The following BCAS3 variants were observed in gnomAD, a reference collection of about 807,000 sequenced individuals.
BCAS3 encodes BCAS4/BCAS3 fusion.
A neutral mutation model predicts 116.1 loss-of-function variants in BCAS3; 53 were observed. That is an observed-to-expected ratio of 0.46 (90% confidence interval 0.37 to 0.57). The LOEUF is 0.57. Ranked by LOEUF, BCAS3 falls within the 20% of genes least tolerant of loss-of-function variation. BCAS3 has a pLI of 0.00. For missense variants in BCAS3, 917 were observed against 1,165.4 expected, an observed-to-expected ratio of 0.79 and a Z score of 3.10; for synonymous variants, 391 against 408.2, an observed-to-expected ratio of 0.96 and a Z score of 0.51.
chr17:60,982,571 ACTTT>A (rs1156858488), intron 14 of BCAS3, among the ~76,000 whole-genome samples: 5 of 152,160 alleles, frequency 3.3e-5, no homozygotes, highest in African/African-American at 1.2e-4. Flanking sequence ...TTAAGGGAAG[ACTTT>A]CTTTAGTTTT....
chr17:60,923,389 G>GT (rs1246218007), intron 12 of BCAS3, among the ~76,000 whole-genome samples: 2 of 152,024 alleles, frequency 1.3e-5, no homozygotes, highest in African/African-American at 2.4e-5. Flanking sequence ...TAAGTACATT[G>GT]TTTTTTTGGG....
In BCAS3 at chr17:60,961,268, C is replaced by T. The variant is rs996655425; in HGVS notation, c.1221+13916C>T. On this transcript the variant is annotated intron_variant, in intron 14 of 23. Coordinates refer to ENST00000407086, the MANE Select transcript of BCAS3 (RefSeq NM_017679.5). This position sits in a 1 kb window ranked among gnomAD's most constrained non-coding sequence, Gnocchi z 4.8. ...AGGAACTGGATTAAACCTCTGTATCCGTTAAGGTTCTACCAGAGAAACAGA... is the reference window on the plus strand; with the variant it reads ...AGGAACTGGATTAAACCTCTGTATCTGTTAAGGTTCTACCAGAGAAACAGA... 4.6e-5 allele frequency among the ~76,000 whole-genome samples: 7 copies of T among 152,032 alleles called. No individual in the cohort carries two copies. The highest frequency in any genetic ancestry group is 2.1e-4 in the South Asian group (1 of 4,820).
chr17:60,853,203 G>T (rs1343206687), intron 7 of BCAS3, among the ~76,000 whole-genome samples: 1 of 152,176 alleles, frequency 6.6e-6, no homozygotes, highest in Non-Finnish European at 1.5e-5. Context: ...TGTACTGTAT[G>T]ATTCTAACTA....
At position 61,141,338 on chromosome 17, in the gene BCAS3, G is replaced by A. The variant is rs566372412; in HGVS notation, c.2425+56774G>A. Among the ~76,000 whole-genome samples, 12 of 152,112 alleles carry A rather than the reference G, an allele frequency of 7.9e-5. No homozygotes were observed. The highest frequency in any genetic ancestry group is 2.2e-4 in the African/African-American group (9 of 41,488). On this transcript the variant is annotated intron_variant, in intron 22 of 23. Transcript: ENST00000407086. The surrounding 1 kb of genome is among the most constrained non-coding windows in gnomAD (Gnocchi z 4.3). ...GTTGGGAGGCCAAAGTGGGAGGACC[G>A]CTTGAGACCAGGAATTTGAGACCAG...
At chr17:61,093,531 G>T (rs918355980) in intron 22 of BCAS3, among the ~76,000 whole-genome samples, 32 of 152,276 alleles carry the variant, frequency 2.1e-4, no homozygotes, top group African/African-American at 7.5e-4. Context: ...AGGCTGCAGT[G>T]AGCTGTGATC....
intron 8 of BCAS3, among the ~76,000 whole-genome samples, chr17:60,871,001 G>GTCATTATTTGTCA (rs1269787173): frequency 6.6e-6 from 1 of 152,058 alleles, no homozygotes; most frequent in Non-Finnish European, 1.5e-5. Flanking sequence ...TCATTTATTA[G>GTCATTATTTGTCA]TTTTGATAAT....
intron 7 of BCAS3, among the ~76,000 whole-genome samples, chr17:60,855,669 T>C (rs2053615470): frequency 6.6e-6 from 1 of 151,832 alleles, no homozygotes; most frequent in Non-Finnish European, 1.5e-5. Flanking sequence ...TGGTATCTCA[T>C]AGTGATTTTG....
chr17:60,706,213 C>T (rs551241161), intron 4 of BCAS3, among the ~76,000 whole-genome samples: 4 of 152,204 alleles, frequency 2.6e-5, no homozygotes, highest in Admixed American at 6.6e-5. Flanking sequence ...CAGGCACCCA[C>T]CACCACGCCC....
chr17:61,270,414 T>C (rs994378375), intron 22 of BCAS3, among the ~76,000 whole-genome samples: 1 of 151,794 alleles, frequency 6.6e-6, no homozygotes, highest in African/African-American at 2.4e-5. Flanking sequence ...TAAGCCACCA[T>C]GCCTGGCCCT....
At chr17:60,875,652 A>G (rs916760414) in intron 9 of BCAS3, among the ~76,000 whole-genome samples, 5 of 152,048 alleles carry the variant, frequency 3.3e-5, no homozygotes, top group African/African-American at 9.6e-5. Flanking sequence ...TCATCTTAAA[A>G]TGGTTAAATG....
chr17:61,197,051 A>G (rs1258575188), intron 22 of BCAS3, among the ~76,000 whole-genome samples: 4 of 152,202 alleles, frequency 2.6e-5, no homozygotes, highest in Non-Finnish European at 5.9e-5. Flanking sequence ...TTGCACATCT[A>G]ATATATCCAA....
chr17:61,325,139 G>T lies in BCAS3; in HGVS notation c.2426-43188G>T, dbSNP rs1282052672. Reference sequence around the variant, plus strand: ...AATGAGTTGCTGATGGGAATTTTTTGAATGTTTGACTCTGTGTCTCTGTGG... The same window carrying T: ...AATGAGTTGCTGATGGGAATTTTTTTAATGTTTGACTCTGTGTCTCTGTGG... On this transcript the variant is annotated intron_variant, in intron 22 of 23. Coordinates refer to ENST00000407086, the MANE Select transcript of BCAS3 (RefSeq NM_017679.5). The surrounding 1 kb of genome is among the most constrained non-coding windows in gnomAD (Gnocchi z 6.4). Among the ~76,000 whole-genome samples, 3 of 152,120 alleles carry T rather than the reference G, an allele frequency of 2.0e-5. No homozygotes were observed. The highest frequency in any genetic ancestry group is 1.3e-4 in the Admixed American group (2 of 15,282).
At chr17:61,191,234 C>A (rs1049854839) in intron 22 of BCAS3, among the ~76,000 whole-genome samples, 1 of 152,138 alleles carries the variant, frequency 6.6e-6, no homozygotes, top group Non-Finnish European at 1.5e-5. Context: ...CCACTGCACT[C>A]CAACCTGGGT....
rs1010910057 is a variant in BCAS3 at position 61,118,654 on chromosome 17, C to T, written c.2425+34090C>T. Among the ~76,000 whole-genome samples, 24 of 152,018 alleles carry T rather than the reference C, an allele frequency of 1.6e-4. No homozygotes were observed. The highest frequency in any genetic ancestry group is 5.6e-4 in the African/African-American group (23 of 41,366). On this transcript the variant is annotated intron_variant, in intron 22 of 23. Coordinates refer to ENST00000407086, the MANE Select transcript of BCAS3 (RefSeq NM_017679.5). This position sits in a 1 kb window ranked among gnomAD's most constrained non-coding sequence, Gnocchi z 5.0. ...GGGGGTGCTGCAAGTTTTTGTGTGGCGTTTGGGTAGAGAGAAGCAATTATT... is the reference window on the plus strand; with the variant it reads ...GGGGGTGCTGCAAGTTTTTGTGTGGTGTTTGGGTAGAGAGAAGCAATTATT...
intron 7 of BCAS3, among the ~76,000 whole-genome samples, chr17:60,864,218 A>G (rs1348075641): frequency 6.6e-6 from 1 of 152,138 alleles, no homozygotes; most frequent in East Asian, 1.9e-4. Context: ...GGTCTTTGTC[A>G]TTGTGATTGT....
chr17:61,136,598 C>T lies in BCAS3; in HGVS notation c.2425+52034C>T, dbSNP rs901073624. 3.9e-5 allele frequency among the ~76,000 whole-genome samples: 6 copies of T among 152,146 alleles called. No individual in the cohort carries two copies. The South Asian group carries it at 6.2e-4, about 16-fold the overall frequency. Reference sequence around the variant, plus strand: ...TTGAGAGACGGAGGCTGGATGTTGTCGCCCAGGCTGGAGTGCAGTAGCGCG... The same window carrying T: ...TTGAGAGACGGAGGCTGGATGTTGTTGCCCAGGCTGGAGTGCAGTAGCGCG... On this transcript the variant is annotated intron_variant, in intron 22 of 23. Transcript: ENST00000407086. The surrounding 1 kb of genome is among the most constrained non-coding windows in gnomAD (Gnocchi z 4.4).
At chr17:61,022,584 A>C (rs1225561847) in intron 16 of BCAS3, among the ~76,000 whole-genome samples, 2 of 152,096 alleles carry the variant, frequency 1.3e-5, no homozygotes, top group African/African-American at 4.8e-5. Context: ...AAATTTCTAC[A>C]GAAGTTTGAC....
At chr17:60,776,714 G>A (rs1372550726) in intron 6 of BCAS3, among the ~76,000 whole-genome samples, 4 of 121,542 alleles carry the variant, frequency 3.3e-5, no homozygotes, top group Non-Finnish European at 4.9e-5. Flanking sequence ...GTGAGACTCC[G>A]TCTCAAAAAA....
intron 22 of BCAS3, among the ~76,000 whole-genome samples, chr17:61,206,973 T>G (rs2081181234): frequency 6.6e-6 from 1 of 151,642 alleles, no homozygotes; most frequent in Admixed American, 6.6e-5. Flanking sequence ...TAATTTTGTT[T>G]GGAAAGAACA....
Sources: allele counts gnomAD v4.1 joint callset (sites outside exome capture counted in the v4.1 genomes callset), GRCh38; gene constraint gnomAD v4.1.1; non-coding constraint Gnocchi (gnomAD v3.1); transcripts MANE v1.5; gene names NCBI Gene and HGNC (gene_info 2026-07-23, HGNC 2026-07-21).